BMPR1B: variants seen among roughly 807,000 people sequenced by gnomAD.
BMPR1B encodes bone morphogenetic protein receptor type 1B.
A neutral mutation model predicts 59.1 loss-of-function variants in BMPR1B; 12 were observed. The ratio of observed to expected loss-of-function variants is 0.20; its 90% CI spans 0.13 to 0.33. The LOEUF is 0.33. Ranked by LOEUF, BMPR1B falls within the 10% of genes least tolerant of loss-of-function variation. BMPR1B has a pLI of 1.00. For missense variants in BMPR1B, 550 were observed against 610.9 expected (o/e 0.90, Z 1.05); for synonymous variants, 237 against 207.3 (o/e 1.14, Z -1.23).
intron 3 of BMPR1B, among the ~76,000 whole-genome samples, chr4:95,082,250 C>T (rs773040220): frequency 6.7e-6 from 1 of 149,910 alleles, no homozygotes; most frequent in South Asian, 2.1e-4. Context: ...AAAACTGTAT[C>T]CAGACACACA....
At chr4:95,104,663 G>A in intron 4 of BMPR1B, 96 bp downstream of exon 4, 1 of 1,457,588 alleles carries the variant, frequency 6.9e-7, no homozygotes, top group South Asian at 1.1e-5. Flanking sequence ...ACACATTTTA[G>A]AGAACAATGC....
At chr4:94,894,465 C>A (rs3755872) in intron 2 of BMPR1B, among the ~76,000 whole-genome samples, 3 of 144,034 alleles carry the variant, frequency 2.1e-5, no homozygotes, top group African/African-American at 7.9e-5. Flanking sequence ...AGAGAGAAAG[C>A]GAGAAATCCC....
rs1324604020 is a variant in BMPR1B at position 94,993,723 on chromosome 4, T to G, written c.-112-2317T>G. Among the ~76,000 whole-genome samples the G allele has an allele frequency of 3.1e-5, 4 of 129,350 alleles. No homozygotes were observed. In the East Asian group the frequency reaches 8.9e-4, roughly 29 times the overall value. 84.9% of individuals were successfully genotyped at this position (129,350 alleles called of 152,430 possible). On this transcript the variant is annotated intron_variant, in intron 2 of 12. Coordinates refer to ENST00000515059, the MANE Select transcript of BMPR1B (RefSeq NM_001203.3). ...TCATAGTGAGCCAAGTTAGTGTCACTGCGCTCCAGCCTGGGCAACAGAGCA... is the reference window on the plus strand; with the variant it reads ...TCATAGTGAGCCAAGTTAGTGTCACGGCGCTCCAGCCTGGGCAACAGAGCA...
chr4:94,813,424 A>G (rs1723896262), intron 1 of BMPR1B, among the ~76,000 whole-genome samples: 1 of 152,156 alleles, frequency 6.6e-6, no homozygotes, highest in Non-Finnish European at 1.5e-5. Context: ...AGCAGGTGCC[A>G]GGACTTAGGT....
At chr4:94,897,795 T>C (rs1727642010) in intron 2 of BMPR1B, among the ~76,000 whole-genome samples, 1 of 151,902 alleles carries the variant, frequency 6.6e-6, no homozygotes, top group Middle Eastern at 3.2e-3. Context: ...TATTATGAGG[T>C]GTGTGTTATG....
intron 1 of BMPR1B, among the ~76,000 whole-genome samples, chr4:94,817,132 T>C (rs1410904514): frequency 6.6e-6 from 1 of 152,140 alleles, no homozygotes; most frequent in East Asian, 1.9e-4. Context: ...CAAGAGCAGC[T>C]CTCATCAGCC....
At chr4:94,960,691 A>G (rs1730319946) in intron 2 of BMPR1B, among the ~76,000 whole-genome samples, 1 of 150,454 alleles carries the variant, frequency 6.6e-6, no homozygotes, top group Non-Finnish European at 1.5e-5. Context: ...AATTTTATAC[A>G]GGCTAACAAT....
intron 1 of BMPR1B, among the ~76,000 whole-genome samples, chr4:94,874,721 C>T (rs1578748263): frequency 6.6e-6 from 1 of 152,230 alleles, no homozygotes. Flanking sequence ...GGTGCGGTGG[C>T]TCCTGCCTGT....
intron 2 of BMPR1B, among the ~76,000 whole-genome samples, chr4:94,880,915 A>G (rs539110647): frequency 6.6e-6 from 1 of 152,200 alleles, no homozygotes; most frequent in East Asian, 1.9e-4. Flanking sequence ...AGATTATAGG[A>G]CTGAGCCACT....
chr4:94,794,119 C>G (rs1327360146), intron 1 of BMPR1B, among the ~76,000 whole-genome samples: 1 of 148,802 alleles, frequency 6.7e-6, no homozygotes, highest in Non-Finnish European at 1.5e-5. Context: ...ATGGTAATGC[C>G]TAGGTTTTCT....
At chr4:94,927,644 CGTT>C (rs896221630) in intron 2 of BMPR1B, among the ~76,000 whole-genome samples, 1 of 152,176 alleles carries the variant, frequency 6.6e-6, no homozygotes, top group African/African-American at 2.4e-5. Flanking sequence ...AGCCTGAAAT[CGTT>C]GTGCATGAAG....
intron 2 of BMPR1B, among the ~76,000 whole-genome samples, chr4:94,877,921 T>A (rs1041650955): frequency 1.3e-5 from 2 of 152,178 alleles, no homozygotes; most frequent in African/African-American, 2.4e-5. Flanking sequence ...ATATCAGCAC[T>A]TTTATATTTC....
chr4:94,932,550 G>A (rs1729131246), intron 2 of BMPR1B, among the ~76,000 whole-genome samples: 1 of 152,078 alleles, frequency 6.6e-6, no homozygotes, highest in Non-Finnish European at 1.5e-5. Flanking sequence ...CTTTAGCAGA[G>A]CTTGTAAAAA....
At chr4:94,930,112 TA>T (rs1452213331) in intron 2 of BMPR1B, among the ~76,000 whole-genome samples, 1 of 152,126 alleles carries the variant, frequency 6.6e-6, no homozygotes, top group Non-Finnish European at 1.5e-5. Flanking sequence ...TCACCACAAC[TA>T]TCTCTTAACT....
chr4:94,839,386 TG>T (rs906096173), intron 1 of BMPR1B, among the ~76,000 whole-genome samples: 6 of 146,510 alleles, frequency 4.1e-5, no homozygotes, highest in African/African-American at 1.5e-4. Context: ...TATTAATGTG[TG>T]GGGGTCTAAG....
chr4:95,119,779 A>T (rs1411498730), intron 6 of BMPR1B, among the ~76,000 whole-genome samples: 1 of 152,198 alleles, frequency 6.6e-6, no homozygotes, highest in Non-Finnish European at 1.5e-5. Flanking sequence ...AAACATATAT[A>T]TTTTAGACTG....
In BMPR1B at chr4:94,899,251, A is replaced by G. The variant is rs143989108; in HGVS notation, c.-113+23351A>G. 2.6e-3 allele frequency among the ~76,000 whole-genome samples: 390 copies of G among 152,022 alleles called. 2 individuals are homozygous for G. The highest frequency in any genetic ancestry group is 8.9e-3 in the African/African-American group (371 of 41,488). On this transcript the variant is annotated intron_variant, in intron 2 of 12. Transcript: ENST00000515059. ...GATAATCTAGGATAGTCTTCCCACC[A>G]CAAAATCCTTAATCTAATCACATCT...
At chr4:94,760,776 A>G (rs1721732265) in intron 1 of BMPR1B, among the ~76,000 whole-genome samples, 2 of 152,352 alleles carry the variant, frequency 1.3e-5, no homozygotes, top group Admixed American at 1.3e-4. Context: ...TGCCCAGCAC[A>G]GTACCTGGTA....
At chr4:94,958,798 A>G (rs1205095624) in intron 2 of BMPR1B, among the ~76,000 whole-genome samples, 1 of 151,956 alleles carries the variant, frequency 6.6e-6, no homozygotes, top group Non-Finnish European at 1.5e-5. Context: ...AGTGTGGGTA[A>G]CCTGTATCTC....
Sources: allele counts gnomAD v4.1 joint callset (sites outside exome capture counted in the v4.1 genomes callset), GRCh38; gene constraint gnomAD v4.1.1; transcripts MANE v1.5; gene names NCBI Gene and HGNC (gene_info 2026-07-23, HGNC 2026-07-21).